CLK3: variants seen among roughly 807,000 people sequenced by gnomAD.
CLK3 encodes dual specificity protein kinase CLK3.
A neutral mutation model predicts 65.2 loss-of-function variants in CLK3; 24 were observed. The ratio of observed to expected loss-of-function variants is 0.37; its 90% confidence interval spans 0.27 to 0.52. CLK3 has a LOEUF of 0.52. CLK3 is among the 20% of genes least tolerant of loss of function. CLK3 has a pLI of 0.92. For synonymous variants in CLK3, 252 were observed against 240.8 expected (o/e 1.05, Z -0.43); for missense variants, 506 against 660.0 (o/e 0.77, Z 2.56).
rs1412302679 is a variant in CLK3, at chr15:74,622,577, A to AGT, written c.533+18_533+19dup. On this transcript the variant is annotated intron_variant, in intron 5 of 12. Transcript: ENST00000395066. The surrounding 1 kb of genome is among the most constrained non-coding windows in gnomAD (Gnocchi z 4.6). Reference sequence around the variant, plus strand: ...CCATGCCAGGTGAGCGAGCTGCGGCAGTACAGCTGGCTCCGGATGTGATCT... The same window carrying AGT: ...CCATGCCAGGTGAGCGAGCTGCGGCAGTGTACAGCTGGCTCCGGATGTGATCT... 2 of 1,596,240 alleles carry AGT rather than the reference A, an allele frequency of 1.3e-6. No individual in the cohort carries two copies. Among genetic ancestry groups the AGT allele is most frequent in the Non-Finnish European group, 1.7e-6 (2 of 1,170,998 alleles).
At chr15:74,614,005 C>T (rs993113623), upstream of CLK3, among the ~76,000 whole-genome samples, 1 of 152,226 alleles carries the variant, frequency 6.6e-6, no homozygotes, top group African/African-American at 2.4e-5. Context: ...CCACTGTACA[C>T]TGAAGCGGCT....
intron 11 of CLK3, 37 bp from the exon 12 acceptor site, chr15:74,628,905 C>A: frequency 6.9e-7 from 1 of 1,457,758 alleles, no homozygotes; most frequent in South Asian, 1.2e-5. Context: ...TGTCCCCTTA[C>A]TACTCCCACA....
In CLK3 at chr15:74,618,808, C is replaced by G. The variant is rs538691823; in HGVS notation, c.1-389C>G. The stretch of plus-strand genomic sequence containing the variant: ...CAGAGCATTCACTTCACGGGACCGC[C>G]CCCCCGGGCGGGAGGGAATAGAGTG... On this transcript the variant is annotated intron_variant, in intron 1 of 12. Transcript: ENST00000395066. Among the ~76,000 whole-genome samples the G allele has an allele frequency of 1.6e-3, 241 of 152,192 alleles. 1 individual carries two copies. The highest frequency in any genetic ancestry group is 3.4e-3 in the Middle Eastern group (1 of 294).
intron 1 of CLK3, among the ~76,000 whole-genome samples, chr15:74,616,765 A>T (rs2062063675): frequency 6.6e-6 from 1 of 152,220 alleles, no homozygotes; most frequent in South Asian, 2.1e-4. Context: ...GGTGGCTGGA[A>T]TCCGGGAGGG....
At chr15:74,610,522 G>A (rs951863337) in intron 1 of CLK3, among the ~76,000 whole-genome samples, 3 of 152,226 alleles carry the variant, frequency 2.0e-5, no homozygotes, top group African/African-American at 4.8e-5. Context: ...TAACGCAGGC[G>A]GACTGGCAGC....
chr15:74,619,324 C>G lies in CLK3; in HGVS notation c.128C>G (p.Pro43Arg). Reference protein sequence around the residue: ...RLRYPSRREPPPRRSRSRSHD... With the variant: ...RLRYPSRREPRPRRSRSRSHD... ...CGATACCCGTCCCGAAGGGAGCCTC[C>G]CCCACGAAGATCTCGGTCCAGAAGG... Residue 43 changes from proline (P) to arginine (R), a missense_variant, in exon 2 of 13, where the codon CCC (proline) becomes CGC (arginine). Physicochemically the swap from Pro to Arg is moderately radical, Grantham distance 103. Transcript: ENST00000395066. 6.2e-7 allele frequency: 1 copy of G among 1,614,146 alleles called. No individual in the cohort carries two copies. Among genetic ancestry groups the G allele is most frequent in the Non-Finnish European group, 8.5e-7 (1 of 1,179,996 alleles).
intron 1 of CLK3, among the ~76,000 whole-genome samples, chr15:74,616,120 C>T (rs996957206): frequency 1.1e-4 from 17 of 152,264 alleles, no homozygotes; most frequent in African/African-American, 4.1e-4. Context: ...GAAGGCGGAG[C>T]CTGAACGGCC....
Position 74,629,701 on chromosome 15 carries a change from G to A in CLK3, c.1297-6G>A, listed in dbSNP as rs748937006. ...TCACACTGAGGCACCTTGTGTCCCT[G>A]AGCAGAGTTACATGCTCCAAGACTC... On this transcript the variant is annotated splice_polypyrimidine_tract_variant and splice_region_variant and intron_variant, in intron 12 of 12. Coordinates refer to ENST00000395066, the MANE Select transcript of CLK3 (RefSeq NM_001130028.2). The A allele has an allele frequency of 1.2e-6, 2 of 1,608,084 alleles. No individual in the cohort carries two copies. Among genetic ancestry groups the A allele is most frequent in the Non-Finnish European group, 1.7e-6 (2 of 1,176,140 alleles).
chr15:74,610,995 A>G (rs915489948), upstream of CLK3, among the ~76,000 whole-genome samples: 6 of 152,072 alleles, frequency 3.9e-5, no homozygotes, highest in African/African-American at 1.2e-4. Flanking sequence ...CGCCTGTTTC[A>G]CTCGGGGAGA....
At chr15:74,629,465 T>C (rs1306733955) in intron 12 of CLK3, 5 of 569,116 alleles carry the variant, frequency 8.8e-6, no homozygotes, top group African/African-American at 3.8e-5. Flanking sequence ...GGACTTTGCA[T>C]GTGGGGGCAG....
At chr15:74,620,340 G>A (rs937777336) in intron 3 of CLK3, 115 bp downstream of exon 3, 13 of 1,371,674 alleles carry the variant, frequency 9.5e-6, no homozygotes, top group Non-Finnish European at 1.3e-5. Flanking sequence ...GTGCACTGGT[G>A]TGCGTGCATG....
At chr15:74,617,717 C>G (rs1481146837) in intron 1 of CLK3, among the ~76,000 whole-genome samples, 2 of 152,226 alleles carry the variant, frequency 1.3e-5, no homozygotes, top group African/African-American at 2.4e-5. Context: ...TGAGGATGGG[C>G]AGGACCATAC....
Position 74,625,898 on chromosome 15 carries a change from G to T in CLK3, c.747G>T (p.Glu249Asp). The T allele has an allele frequency of 2.5e-6, 4 of 1,614,202 alleles. No individual in the cohort carries two copies. Among genetic ancestry groups the T allele is most frequent in the Non-Finnish European group, 3.4e-6 (4 of 1,180,044 alleles). The part of the protein sequence containing the change: ...LGKNTFEFLK[E>D]NNFQPYPLPH... ...AGAACACCTTTGAGTTCCTGAAGGA[G>T]AATAACTTCCAGCCTTACCCCCTAC... The change falls in exon 7 of 13, where the codon GAG becomes GAT. Residue 249 changes from glutamate (E) to aspartate (D), a missense_variant. By Grantham distance (45) the Glu-to-Asp change is conservative. Around this residue, in one of 2 missense-constraint regions of CLK3, gnomAD observed 325 missense variants for 500.5 expected, o/e 0.65. Coordinates refer to ENST00000395066, the MANE Select transcript of CLK3 (RefSeq NM_001130028.2).
chr15:74,620,285 C>T (rs756548398), intron 3 of CLK3, 60 bp downstream of exon 3: 18 of 1,599,446 alleles, frequency 1.1e-5, no homozygotes, highest in Admixed American at 1.7e-5. Flanking sequence ...TCCTAGCCTT[C>T]TCTCAGGCTG....
chr15:74,611,727 G>A (rs112409138), upstream of CLK3, among the ~76,000 whole-genome samples: 378 of 152,358 alleles, frequency 2.5e-3, 6 homozygotes, highest in East Asian at 0.05. Context: ...CCAATGCCCC[G>A]AGGAAATAGG....
chr15:74,616,160 C>T (rs1050309112), intron 1 of CLK3, among the ~76,000 whole-genome samples: 3 of 152,232 alleles, frequency 2.0e-5, no homozygotes, highest in Admixed American at 1.3e-4. Flanking sequence ...CCAGTTTGGG[C>T]TCTGTGCCTG....
Position 74,622,534 on chromosome 15 carries a change from G to C in CLK3, c.507G>C (p.Lys169Asn). ...ACCTGGGTGAAGGCACCTTTGGCAA[G>C]GTGGTGGAGTGCTTGGACCATGCCA... ...VGNLGEGTFG[K>N]VVECLDHARG... The change falls in exon 5 of 13, where the codon AAG (lysine) becomes AAC (asparagine). Residue 169 changes from lysine (K) to asparagine (N), a missense_variant. Around this residue, in one of 2 missense-constraint regions of CLK3, gnomAD observed 325 missense variants for 500.5 expected, o/e 0.65. Coordinates refer to ENST00000395066, the MANE Select transcript of CLK3 (RefSeq NM_001130028.2). This position sits in a 1 kb window ranked among gnomAD's most constrained non-coding sequence, Gnocchi z 4.6. 1 of 1,613,374 alleles carries C rather than the reference G, an allele frequency of 6.2e-7. No homozygotes were observed. The highest frequency in any genetic ancestry group is 2.2e-5 in the East Asian group (1 of 44,862).
rs1261080957 is a variant in CLK3, at chr15:74,629,976, C to A, written c.*93C>A. 4.7e-6 allele frequency: 6 copies of A among 1,271,056 alleles called. No individual in the cohort carries two copies. The highest frequency in any genetic ancestry group is 6.6e-6 in the Non-Finnish European group (6 of 914,676). The allele number at this position is 1,271,056 out of a possible 1,614,324, so 78.7% of individuals were successfully genotyped here. On this transcript the variant is annotated 3_prime_UTR_variant, in exon 13 of 13. Transcript: ENST00000395066. ...TCGACCGCCAGGCCCCAGGCCAGAG[C>A]CACCCAATGAACAGTGCAATGTGAA...
chr15:74,610,373 C>A (rs1196133837), intron 1 of CLK3, among the ~76,000 whole-genome samples: 1 of 152,210 alleles, frequency 6.6e-6, no homozygotes, highest in Non-Finnish European at 1.5e-5. Context: ...TGGTGCCTCT[C>A]CTGCTCCAGG....
Sources: allele counts gnomAD v4.1 joint callset (sites outside exome capture counted in the v4.1 genomes callset), GRCh38; gene constraint gnomAD v4.1.1; regional missense constraint gnomAD v4.1.1; non-coding constraint Gnocchi (gnomAD v3.1); transcripts MANE v1.5; gene names NCBI Gene and HGNC (gene_info 2026-07-23, HGNC 2026-07-21).